Variants in NSD2 observed in about 807,000 individuals in gnomAD.
NSD2 encodes the protein nuclear receptor binding SET domain protein 2, also known as histone-lysine N-methyltransferase NSD2.
A neutral mutation model predicts 139.0 loss-of-function variants in NSD2; 12 were observed. The observed-to-expected ratio is 0.09, with a 90% CI of 0.06 to 0.14. The LOEUF (loss-of-function observed/expected upper bound fraction) is 0.14, where lower values mean the gene tolerates loss of function less well. Among genes scored for constraint, NSD2 ranks in the 10% least tolerant of loss-of-function variants. The pLI, the probability that NSD2 is intolerant of heterozygous loss-of-function variation, is 1.00. For synonymous variants in NSD2, 669 were observed against 648.7 expected (o/e 1.03, Z -0.48); for missense variants, 1,155 against 1,745.0 (o/e 0.66, Z 6.02).
At chr4:1,924,178 AAAAAT>A (rs780080130) in intron 5 of NSD2, among the ~76,000 whole-genome samples, 83 of 152,314 alleles carry the variant, frequency 5.4e-4, no homozygotes, top group African/African-American at 1.8e-3. Context: ...TACCAAAAAT[AAAAAT>A]AAAATAAAAT....
chr4:1,887,492 T>C, intron 1 of NSD2: 1 of 152,102 alleles, frequency 6.6e-6, no homozygotes, highest in East Asian at 1.9e-4. Flanking sequence ...ATTTATATTT[T>C]ATTGGTGAGG....
intron 3 of NSD2, among the ~76,000 whole-genome samples, chr4:1,906,022 C>G (rs1717850391): frequency 6.6e-6 from 1 of 152,204 alleles, no homozygotes; most frequent in South Asian, 2.1e-4. Flanking sequence ...TCTTTCTCTG[C>G]TTTCTAAAAC....
chr4:1,950,284 GGA>G (rs1400527733), intron 9 of NSD2, among the ~76,000 whole-genome samples: 3 of 152,126 alleles, frequency 2.0e-5, no homozygotes, highest in Admixed American at 6.5e-5. Flanking sequence ...TAAATGAAGG[GGA>G]GAGAGAGGCA....
At chr4:1,905,113 A>T (rs962853997) in intron 3 of NSD2, among the ~76,000 whole-genome samples, 1 of 152,114 alleles carries the variant, frequency 6.6e-6, no homozygotes, top group Non-Finnish European at 1.5e-5. Context: ...CTGGGCAACA[A>T]CAGCGAAACT....
rs950575288 is a variant in NSD2, at chr4:1,972,848, TG to T, written c.3373-2014del. 6.6e-6 allele frequency among the ~76,000 whole-genome samples: 1 copy of T among 152,164 alleles called. No homozygotes were observed. The highest frequency in any genetic ancestry group is 2.4e-5 in the African/African-American group (1 of 41,434). ...AGCTGGGAAGCTATGGGAAAGTTTT[TG>T]ACACATTTTTTTTTCTTTTTGGAGA... is the stretch of plus-strand genomic sequence containing the variant. On this transcript the variant is annotated intron_variant, in intron 18 of 21. Transcript: ENST00000508803. The surrounding 1 kb of genome is among the most constrained non-coding windows in gnomAD (Gnocchi z 4.0).
At chr4:1,944,576 G>A in intron 9 of NSD2, 1 of 1,064,316 alleles carries the variant, frequency 9.4e-7, no homozygotes, top group Non-Finnish European at 1.1e-6. Context: ...ATTCACTAGA[G>A]GTGAAAACTT....
intron 6 of NSD2, among the ~76,000 whole-genome samples, chr4:1,932,694 C>T (rs1413266018): frequency 3.3e-5 from 5 of 152,090 alleles, no homozygotes; most frequent in East Asian, 1.9e-4. Context: ...TGCAGTGAGC[C>T]GAGATCGTGC....
At chr4:1,968,732 A>G (rs1305785703) in intron 18 of NSD2, among the ~76,000 whole-genome samples, 2 of 152,216 alleles carry the variant, frequency 1.3e-5, no homozygotes, top group African/African-American at 2.4e-5. Context: ...CATAGTAACA[A>G]CAAGGAAAGG....
intron 3 of NSD2, among the ~76,000 whole-genome samples, chr4:1,905,365 G>A (rs966066756): frequency 6.6e-6 from 1 of 152,224 alleles, no homozygotes; most frequent in African/African-American, 2.4e-5. Flanking sequence ...CTCTGGAAGT[G>A]TGGCGTCTAG....
Position 1,929,945 on chromosome 4 carries a change from G to A in NSD2, c.1411-681G>A, listed in dbSNP as rs190131285. Among the ~76,000 whole-genome samples, 262 of 152,244 alleles carry A rather than the reference G, an allele frequency of 1.7e-3. 1 individual carries two copies. Among genetic ancestry groups the A allele is most frequent in the African/African-American group, 6.0e-3 (248 of 41,532 alleles). ...AGCGAAGTCCCCAGGATCAGACTTC[G>A]GTGTGTCTGCGGATCATCCTAGAGA... is the stretch of plus-strand genomic sequence containing the variant. On this transcript the variant is annotated intron_variant, in intron 5 of 21. Coordinates refer to ENST00000508803, the MANE Select transcript of NSD2 (RefSeq NM_001042424.3).
intron 1 of NSD2, among the ~76,000 whole-genome samples, chr4:1,900,357 T>C (rs1716987280): frequency 6.6e-6 from 1 of 152,208 alleles, no homozygotes; most frequent in Non-Finnish European, 1.5e-5. Context: ...AGATTATTAG[T>C]GGTATGACTG....
intron 9 of NSD2, chr4:1,940,445 T>C (rs1393069452): frequency 9.4e-7 from 1 of 1,063,452 alleles, no homozygotes; most frequent in Non-Finnish European, 1.1e-6. Flanking sequence ...GACTTTATTA[T>C]CAAACCTAAA....
chr4:1,910,673 C>G lies in NSD2; in HGVS notation c.761-6198C>G, dbSNP rs144073441. On this transcript the variant is annotated intron_variant, in intron 3 of 21. Transcript: ENST00000508803. ...TCTAAAAATATTGCAGGTAATCTGG[C>G]TTTCTCGTGTCTTGTGCTGTTTGAT... Among the ~76,000 whole-genome samples, 83 of 152,246 alleles carry G rather than the reference C, an allele frequency of 5.5e-4. 1 individual carries two copies. The East Asian group carries it at 0.014, about 26-fold the overall frequency.
At chr4:1,898,503 A>G (rs1716687891) in intron 1 of NSD2, among the ~76,000 whole-genome samples, 1 of 151,976 alleles carries the variant, frequency 6.6e-6, no homozygotes, top group African/African-American at 2.4e-5. Flanking sequence ...TCTCTACTAA[A>G]AATACAAAAA....
chr4:1,957,697 C>T (rs1724971051), intron 15 of NSD2, among the ~76,000 whole-genome samples: 1 of 152,100 alleles, frequency 6.6e-6, no homozygotes, highest in Non-Finnish European at 1.5e-5. Flanking sequence ...AGAACTCTGC[C>T]CTGGGCCTGT....
chr4:1,887,329 T>C (rs554947288), intron 1 of NSD2, among the ~76,000 whole-genome samples: 2 of 152,324 alleles, frequency 1.3e-5, no homozygotes, highest in South Asian at 2.1e-4. Flanking sequence ...TGTTCTTCTT[T>C]TTTTTTAAAT....
intron 3 of NSD2, among the ~76,000 whole-genome samples, chr4:1,907,559 C>G (rs932567696): frequency 4.0e-5 from 6 of 150,256 alleles, no homozygotes; most frequent in African/African-American, 1.5e-4. Flanking sequence ...CAGCAGACAC[C>G]TATCCCCTCA....
chr4:1,908,248 G>C (rs1489602851), intron 3 of NSD2, among the ~76,000 whole-genome samples: 1 of 152,196 alleles, frequency 6.6e-6, no homozygotes, highest in Non-Finnish European at 1.5e-5. Flanking sequence ...GGCCAGGTTG[G>C]ATCTCACAGT....
intron 18 of NSD2, among the ~76,000 whole-genome samples, chr4:1,967,193 C>G (rs948611147): frequency 7.2e-5 from 11 of 152,094 alleles, no homozygotes; most frequent in African/African-American, 1.9e-4. Context: ...TAGACAAATT[C>G]CTAGAAACAC....
Sources: allele counts gnomAD v4.1 joint callset (sites outside exome capture counted in the v4.1 genomes callset), GRCh38; gene constraint gnomAD v4.1.1; non-coding constraint Gnocchi (gnomAD v3.1); transcripts MANE v1.5; gene names NCBI Gene and HGNC (gene_info 2026-07-23, HGNC 2026-07-21).